The following ZNF548 variants were observed in gnomAD, a reference collection of about 807,000 sequenced individuals.
The protein encoded by ZNF548 is zinc finger protein 548.
Under a neutral mutation model 10.2 loss-of-function variants are expected in ZNF548, and 10 were observed. The ratio of observed to expected loss-of-function variants is 0.98; its 90% confidence interval spans 0.60 to 1.66. The LOEUF is 1.66. ZNF548 is among the 40% of genes most tolerant of loss of function. The probability of loss-of-function intolerance (pLI) is 0.00; values close to 1 mark genes in which losing one functional copy is unlikely to be tolerated. For missense variants in ZNF548, 599 were observed against 657.0 expected (o/e 0.91, Z 0.97); for synonymous variants, 217 against 223.5 (o/e 0.97, Z 0.26).
Position 57,400,380 on chromosome 19 carries a change from A to G in ZNF548, c.*491A>G, listed in dbSNP as rs1256770320. On this transcript the variant is annotated 3_prime_UTR_variant, in exon 4 of 4. Coordinates refer to ENST00000336128, the MANE Select transcript of ZNF548 (RefSeq NM_001172773.2). ...ATTCAAGATTCTACTTTCAATTCTT[A>G]TAGGGTATATACTCAGAAATGGTGG... is the stretch of plus-strand genomic sequence containing the variant. 6.3e-6 allele frequency: 1 copy of G among 157,678 alleles called. No individual in the cohort carries two copies. Among genetic ancestry groups the G allele is most frequent in the Non-Finnish European group, 1.4e-5 (1 of 71,104 alleles). 9.8% of individuals were successfully genotyped at this position (157,678 alleles called of 1,614,324 possible). A position where few individuals can be genotyped will look rare whatever the true frequency, so the allele number is the denominator to read the frequency against.
At chr19:57,394,686 G>A (rs1294811475) in intron 2 of ZNF548, among the ~76,000 whole-genome samples, 1 of 152,180 alleles carries the variant, frequency 6.6e-6, no homozygotes, top group Non-Finnish European at 1.5e-5. Context: ...TGGCTTCTGA[G>A]TGGAGGACAG....
intron 1 of ZNF548, among the ~76,000 whole-genome samples, chr19:57,393,254 C>T (rs1475887138): frequency 6.6e-6 from 1 of 152,180 alleles, no homozygotes; most frequent in African/African-American, 2.4e-5. Flanking sequence ...TTCTCTATAA[C>T]TCATTAACTT....
In ZNF548 at chr19:57,402,233, C is replaced by T. The variant is rs545782898; in HGVS notation, c.*2344C>T. 1 of 152,238 alleles carries T rather than the reference C, an allele frequency of 6.6e-6. No homozygotes were observed. The highest frequency in any genetic ancestry group is 2.1e-4 in the South Asian group (1 of 4,822). The allele number at this position is 152,238 out of a possible 1,614,324, so 9.4% of individuals were successfully genotyped here. A position where few individuals can be genotyped will look rare whatever the true frequency, so the allele number is the denominator to read the frequency against. On this transcript the variant is annotated 3_prime_UTR_variant, in exon 4 of 4. Coordinates refer to ENST00000336128, the MANE Select transcript of ZNF548 (RefSeq NM_001172773.2). ...ATGCCATGGTTTATATGTGGATTCT[C>T]TATTTTATTGGTCATATGTCTGTCT...
Position 57,400,253 on chromosome 19 carries a change from A to C in ZNF548, c.*364A>C, listed in dbSNP as rs188771346. 1.9e-3 allele frequency: 365 copies of C among 188,584 alleles called. 1 individual carries two copies. The highest frequency in any genetic ancestry group is 3.1e-3 in the Non-Finnish European group (276 of 90,104). The allele number at this position is 188,584 out of a possible 1,614,324, so 11.7% of individuals were successfully genotyped here. A position where few individuals can be genotyped will look rare whatever the true frequency, so the allele number is the denominator to read the frequency against. The stretch of plus-strand genomic sequence containing the variant: ...AAATAATATTCTATGGTATTTATAT[A>C]CCACATTTATTTATCCATTCATCTG... On this transcript the variant is annotated 3_prime_UTR_variant, in exon 4 of 4. Coordinates refer to ENST00000336128, the MANE Select transcript of ZNF548 (RefSeq NM_001172773.2).
intron 2 of ZNF548, 30 bp from the exon 3 acceptor site, chr19:57,397,018 C>A: frequency 6.3e-7 from 1 of 1,589,990 alleles, no homozygotes; most frequent in Non-Finnish European, 8.5e-7. Flanking sequence ...AAAGAAGCTG[C>A]TTATGTATTC....
rs1220938687 is a variant in ZNF548 at position 57,394,306 on chromosome 19, C to G, written c.51+83C>G. On this transcript the variant is annotated intron_variant, in intron 2 of 3. Coordinates refer to ENST00000336128, the MANE Select transcript of ZNF548 (RefSeq NM_001172773.2). ...CAGGTGACAAAACCTCTTTTCCTGT[C>G]TTTCTCTTATGTCTGAAGGGTGAGT... 2.8e-6 allele frequency: 4 copies of G among 1,410,338 alleles called. 1 individual carries two copies. The Middle Eastern group carries it at 5.2e-4, about 184-fold the overall frequency. 87.4% of individuals were successfully genotyped at this position (1,410,338 alleles called of 1,614,324 possible).
intron 1 of ZNF548, chr19:57,393,924 A>C (rs2088646688): frequency 3.5e-6 from 2 of 570,814 alleles, no homozygotes; most frequent in Non-Finnish European, 6.2e-6. Flanking sequence ...TATATATAGT[A>C]CATGCTACTG....
In ZNF548 at chr19:57,402,281, A is replaced by C. The variant is rs1180689645; in HGVS notation, c.*2392A>C. On this transcript the variant is annotated 3_prime_UTR_variant, in exon 4 of 4. Coordinates refer to ENST00000336128, the MANE Select transcript of ZNF548 (RefSeq NM_001172773.2). ...TCTTTATGTCAGTACCACACATTTT[A>C]GGTGTGTGTGTGTGAGACTCAGTGT... The C allele has an allele frequency of 6.6e-6, 1 of 152,124 alleles. No individual in the cohort carries two copies. Among genetic ancestry groups the C allele is most frequent in the Non-Finnish European group, 1.5e-5 (1 of 68,022 alleles). The allele number at this position is 152,124 out of a possible 1,614,324, so 9.4% of individuals were successfully genotyped here.
chr19:57,394,312 C>G, intron 2 of ZNF548, 89 bp downstream of exon 2: 1 of 1,374,460 alleles, frequency 7.3e-7, no homozygotes, highest in Non-Finnish European at 1.0e-6. Context: ...CTGTCTTTCT[C>G]TTATGTCTGA....
chr19:57,389,855 G>C lies in ZNF548; in HGVS notation c.-245G>C. The C allele has an allele frequency of 2.0e-6, 1 of 494,930 alleles. No individual in the cohort carries two copies. The highest frequency in any genetic ancestry group is 3.6e-6 in the Non-Finnish European group (1 of 277,282). The allele number at this position is 494,930 out of a possible 1,614,324, so 30.7% of individuals were successfully genotyped here. ...CGTGCGTGCGCACCGTCGGAGGGCG[G>C]GACTTCCGCCGTCCTCCTGGTGGTG... On this transcript the variant is annotated 5_prime_UTR_variant, in exon 1 of 4. Transcript: ENST00000336128.
At chr19:57,396,628 AG>A (rs1176689317) in intron 2 of ZNF548, among the ~76,000 whole-genome samples, 6 of 152,344 alleles carry the variant, frequency 3.9e-5, no homozygotes, top group Admixed American at 1.3e-4. Context: ...CATTTCCCCA[AG>A]GGGGGTACAT....
intron 1 of ZNF548, among the ~76,000 whole-genome samples, chr19:57,391,069 T>A (rs1201320811): frequency 2.0e-5 from 3 of 152,228 alleles, no homozygotes; most frequent in Admixed American, 2.0e-4. Context: ...CTGAATAATG[T>A]ACATTGTATC....
chr19:57,402,382 TG>T lies in ZNF548; in HGVS notation c.*2497del, dbSNP rs1395483616. ...CAAATTACTCAAATTAGCCAATCCA[TG>T]GGGAACATGGAAAACGTAGCTAATG... On this transcript the variant is annotated 3_prime_UTR_variant, in exon 4 of 4. Coordinates refer to ENST00000336128, the MANE Select transcript of ZNF548 (RefSeq NM_001172773.2). The T allele has an allele frequency of 6.6e-5, 10 of 152,222 alleles. No individual in the cohort carries two copies. The highest frequency in any genetic ancestry group is 2.4e-4 in the African/African-American group (10 of 41,458). 9.4% of individuals were successfully genotyped at this position (152,222 alleles called of 1,614,324 possible).
intron 1 of ZNF548, chr19:57,392,686 A>G: frequency 1.4e-6 from 1 of 691,582 alleles, no homozygotes; most frequent in Non-Finnish European, 1.8e-6. Context: ...TGAGCTGTAC[A>G]CCTTATGTGT....
chr19:57,397,132 C>T lies in ZNF548; in HGVS notation c.136C>T (p.Arg46Cys), dbSNP rs749209546. 1.4e-5 allele frequency: 22 copies of T among 1,612,770 alleles called. No individual in the cohort carries two copies. The highest frequency in any genetic ancestry group is 8.0e-5 in the African/African-American group (6 of 74,820). Residue 46 changes from arginine to cysteine, a missense_variant, in exon 3 of 4, where the codon CGT (arginine) becomes TGT (cysteine). Transcript: ENST00000336128. ...TGATGAGGCTCAGAGATTGCTGTAC[C>T]GTGATGTGATGCTGGAGAATTTGGC... ...HLDEAQRLLY[R>C]DVMLENLALL...
intron 1 of ZNF548, chr19:57,390,943 C>T (rs2088619501): frequency 6.6e-6 from 1 of 152,030 alleles, no homozygotes; most frequent in Admixed American, 6.6e-5. Context: ...TTGAGTAGGT[C>T]GGTCTCGGGT....
In ZNF548 at chr19:57,399,291, G is replaced by A. The variant is rs1232383948; in HGVS notation, c.1040G>A (p.Arg347Lys). ...IKHQRVHTGERPYKCNDCGKF... is the reference protein window; with the variant it reads ...IKHQRVHTGEKPYKCNDCGKF... ...CATCAGAGAGTTCACACCGGAGAAA[G>A]ACCTTATAAGTGCAATGATTGTGGG... Residue 347 changes from arginine (R) to lysine (K), a missense_variant, in exon 4 of 4, where the codon AGA becomes AAA. Arg to Lys is a conservative substitution (Grantham distance 26). Coordinates refer to ENST00000336128, the MANE Select transcript of ZNF548 (RefSeq NM_001172773.2). This position sits in a 1 kb window ranked among gnomAD's most constrained non-coding sequence, Gnocchi z 4.0. 8.1e-6 allele frequency: 13 copies of A among 1,613,966 alleles called. No homozygotes were observed. Among genetic ancestry groups the A allele is most frequent in the Non-Finnish European group, 1.0e-5 (12 of 1,179,968 alleles).
In ZNF548 at chr19:57,399,650, G is replaced by A. The variant is rs1806556248; in HGVS notation, c.1399G>A (p.Gly467Arg). Residue 467 changes from glycine to arginine, a missense_variant, in exon 4 of 4, where the codon GGG becomes AGG. Physicochemically the swap from Gly to Arg is moderately radical, Grantham distance 125. Transcript: ENST00000336128. The surrounding 1 kb of genome is among the most constrained non-coding windows in gnomAD (Gnocchi z 4.0). ...AAGGCCTTACGAGTGCAGAGAGTGT[G>A]GGAAAGCCTTTAGCCACAAGCATAT... ...GERPYECRECGKAFSHKHILV... is the reference protein window; with the variant it reads ...GERPYECRECRKAFSHKHILV... 6.2e-7 allele frequency: 1 copy of A among 1,613,992 alleles called. No homozygotes were observed. The highest frequency in any genetic ancestry group is 8.5e-7 in the Non-Finnish European group (1 of 1,179,998).
At chr19:57,394,870 TC>T (rs2088654102) in intron 2 of ZNF548, among the ~76,000 whole-genome samples, 1 of 152,046 alleles carries the variant, frequency 6.6e-6, no homozygotes, top group South Asian at 2.1e-4. Flanking sequence ...AGAAGGGGAA[TC>T]AGGAGTGGCC....
Sources: gnomAD v4.1 joint callset for allele counts (sites outside exome capture counted in the v4.1 genomes callset) on GRCh38, gnomAD v4.1.1 for gene constraint, Gnocchi (gnomAD v3.1) non-coding constraint, MANE v1.5 for transcripts, NCBI Gene and HGNC (gene_info 2026-07-23, HGNC 2026-07-21) for gene names.